Variants in DDX55 observed in about 807,000 individuals in gnomAD.
DDX55 encodes the protein ATP-dependent RNA helicase DDX55.
Under a neutral mutation model 69.2 loss-of-function variants are expected in DDX55, and 56 were observed. The ratio of observed to expected loss-of-function variants is 0.81; its 90% confidence interval spans 0.65 to 1.01. The LOEUF is 1.01. Among genes scored for constraint, DDX55 ranks in the 50% least tolerant of loss-of-function variants. The probability of loss-of-function intolerance (pLI) is 0.00; values close to 1 mark genes in which losing one functional copy is unlikely to be tolerated. For missense variants in DDX55, 720 were observed against 745.1 expected (o/e 0.97, Z 0.39); for synonymous variants, 268 against 273.1 (o/e 0.98, Z 0.18).
rs1491406627 is a variant in DDX55, at chr12:123,620,580, T to TTTTA, written c.*441_*442insTTAT. On this transcript the variant is annotated 3_prime_UTR_variant, in exon 14 of 14. Transcript: ENST00000238146. ...GGTCACATATAGACATATGTACATA[T>TTTTA]TATATATATATATATATATATATAT... is the stretch of plus-strand genomic sequence containing the variant. The TTTTA allele has an allele frequency of 1.4e-4, 9 of 65,354 alleles. No homozygotes were observed. The highest frequency in any genetic ancestry group is 2.8e-3 in the East Asian group (2 of 724). The allele number at this position is 65,354 out of a possible 1,614,324, so 4.0% of individuals were successfully genotyped here. A position where few individuals can be genotyped will look rare whatever the true frequency, so the allele number is the denominator to read the frequency against.
chr12:123,617,527 A>G (rs986919922), intron 10 of DDX55, among the ~76,000 whole-genome samples: 1 of 152,242 alleles, frequency 6.6e-6, no homozygotes, highest in African/African-American at 2.4e-5. Flanking sequence ...GAAAGATACA[A>G]GTTTTACTTA....
intron 9 of DDX55, among the ~76,000 whole-genome samples, chr12:123,615,988 A>C (rs1188811058): frequency 6.6e-6 from 1 of 150,638 alleles, no homozygotes; most frequent in Non-Finnish European, 1.5e-5. Flanking sequence ...TCTCAAAAAC[A>C]AACAAACAAA....
intron 8 of DDX55, 93 bp from the exon 9 acceptor site, chr12:123,615,092 G>T (rs1954551789): frequency 1.9e-6 from 3 of 1,553,032 alleles, no homozygotes; most frequent in Non-Finnish European, 2.6e-6. Context: ...TAGTTAGGTT[G>T]CGTCTGCTGC....
chr12:123,615,374 C>T, intron 9 of DDX55, 58 bp downstream of exon 9: 1 of 1,597,412 alleles, frequency 6.3e-7, no homozygotes, highest in South Asian at 1.1e-5. Context: ...TTCAGGTCCC[C>T]AAATGCCCCA....
rs535681879 is a variant in DDX55, at chr12:123,615,983, AAAAC to A, written c.957-516_957-513del. 4.9e-3 allele frequency among the ~76,000 whole-genome samples: 746 copies of A among 152,314 alleles called. 2 individuals carry two copies. The highest frequency in any genetic ancestry group is 0.01 in the Admixed American group (154 of 15,296). ...GGTGACAGAGTGAGACTCCATCTCA[AAAAC>A]AAACAAACAAAGAAACAAAAAAACA... On this transcript the variant is annotated intron_variant, in intron 9 of 13. Transcript: ENST00000238146.
rs1466350050 is a variant in DDX55, at chr12:123,615,167, C to T, written c.825-18C>T. 3.1e-6 allele frequency: 5 copies of T among 1,613,646 alleles called. No individual in the cohort carries two copies. Among genetic ancestry groups the T allele is most frequent in the Non-Finnish European group, 4.2e-6 (5 of 1,179,718 alleles). On this transcript the variant is annotated intron_variant, in intron 8 of 13. Coordinates refer to ENST00000238146, the MANE Select transcript of DDX55 (RefSeq NM_020936.3). Reference sequence around the variant, plus strand: ...ACCAAAGTGGCCAATGACTCTAAGCCCTCTGTCCCTCTTGCAGCACCTGTG... The same window carrying T: ...ACCAAAGTGGCCAATGACTCTAAGCTCTCTGTCCCTCTTGCAGCACCTGTG...
rs1302211997 is a variant in DDX55, at chr12:123,619,996, A to T, written c.1659A>T (p.Glu553Asp). 3 of 1,613,908 alleles carry T rather than the reference A, an allele frequency of 1.9e-6. No homozygotes were observed. Among genetic ancestry groups the T allele is most frequent in the Non-Finnish European group, 2.5e-6 (3 of 1,179,986 alleles). The change falls in exon 14 of 14, where the codon GAA becomes GAT. Residue 553 changes from glutamate to aspartate, a missense_variant. By Grantham distance (45) the Glu-to-Asp change is conservative (BLOSUM62 2). Coordinates refer to ENST00000238146, the MANE Select transcript of DDX55 (RefSeq NM_020936.3). ...ATATTGAAGATGAGGACATGGAAGA[A>T]CTTCTTAATGACACAAGACTCTTGA... ...GSDIEDEDME[E>D]LLNDTRLLKK... is the part of the protein sequence containing the mutation.
intron 1 of DDX55, 99 bp downstream of exon 1, chr12:123,602,355 G>C: frequency 8.7e-7 from 1 of 1,145,942 alleles, no homozygotes. Context: ...GAGCCCTGGG[G>C]CGCTCATCCC....
At chr12:123,609,897 G>A in intron 6 of DDX55, 42 bp from the exon 7 acceptor site, 1 of 1,583,548 alleles carries the variant, frequency 6.3e-7, no homozygotes, top group Non-Finnish European at 8.6e-7. Context: ...TGTTGATTCT[G>A]CTGGCAAGTG....
At position 123,620,393 on chromosome 12, in the gene DDX55, A is replaced by T. The variant is rs1308691966; in HGVS notation, c.*253A>T. 5 of 271,802 alleles carry T rather than the reference A, an allele frequency of 1.8e-5. No individual in the cohort carries two copies. The South Asian group carries it at 2.8e-4, about 15-fold the overall frequency. The allele number at this position is 271,802 out of a possible 1,614,324, so 16.8% of individuals were successfully genotyped here. On this transcript the variant is annotated 3_prime_UTR_variant, in exon 14 of 14. Transcript: ENST00000238146. ...CAGCACTTTGGGAGGCTGAGGCAGG[A>T]GGATCACTTGAGCCCAGGAGTTCAA... is the stretch of plus-strand genomic sequence containing the variant.
At chr12:123,609,733 A>G (rs1195521212) in intron 6 of DDX55, among the ~76,000 whole-genome samples, 2 of 152,174 alleles carry the variant, frequency 1.3e-5, no homozygotes, top group Non-Finnish European at 2.9e-5. Context: ...TTATAATTGT[A>G]TGCTAAAATT....
chr12:123,608,771 C>T lies in DDX55; in HGVS notation c.493C>T (p.Leu165=). The T allele has an allele frequency of 6.2e-7, 1 of 1,614,164 alleles. No homozygotes were observed. The highest frequency in any genetic ancestry group is 1.1e-5 in the South Asian group (1 of 91,082). Residue 165 remains leucine (L), a synonymous_variant, in exon 6 of 14, where the codon CTG becomes TTG. Coordinates refer to ENST00000238146, the MANE Select transcript of DDX55 (RefSeq NM_020936.3). ...GGATCTGGCCAGCTGTGTGCGATCC[C>T]TGGATGTCCTGGTGTTGGATGAGGC... ...GLDLASCVRS[L]DVLVLDEADR...
At position 123,618,653 on chromosome 12, in the gene DDX55, ATGTG is replaced by A. The variant is rs749864263; in HGVS notation, c.1165-6_1165-3del. 2.1e-5 allele frequency: 33 copies of A among 1,601,414 alleles called. No homozygotes were observed. In the African/African-American group the frequency reaches 4.3e-4, roughly 21 times the overall value. ...CAGCCAGGGAAGGTGAGAATGTGGT[ATGTG>A]TGTGTGTGTAGTGCCCCCTGCAGGA... On this transcript the variant is annotated splice_polypyrimidine_tract_variant and intron_variant, in intron 11 of 13. Coordinates refer to ENST00000238146, the MANE Select transcript of DDX55 (RefSeq NM_020936.3).
intron 12 of DDX55, 99 bp downstream of exon 12, chr12:123,618,936 G>C: frequency 1.3e-6 from 2 of 1,517,654 alleles, no homozygotes; most frequent in Non-Finnish European, 1.8e-6. Flanking sequence ...AGTGTTCCCA[G>C]GTTTTGAGTA....
Position 123,602,256 on chromosome 12 carries a change from G to T in DDX55, c.108G>T (p.Gln36His), listed in dbSNP as rs755750847. Reference protein sequence around the residue: ...ELGFPYMTPVQSATIPLFMRN... With the variant: ...ELGFPYMTPVHSATIPLFMRN... ...GCTTCCCGTACATGACGCCGGTGCA[G>T]GTATCGGTTCCCTGGCGTGGGGGAG... The change falls in exon 1 of 14, where the codon CAG (glutamine) becomes CAT (histidine). Residue 36 changes from glutamine (Q) to histidine (H), a missense_variant and splice_region_variant. Physicochemically the swap from Gln to His is conservative, Grantham distance 24. Transcript: ENST00000238146. 6.4e-6 allele frequency: 10 copies of T among 1,558,002 alleles called. No homozygotes were observed. The highest frequency in any genetic ancestry group is 8.7e-6 in the Non-Finnish European group (10 of 1,154,668).
At chr12:123,615,015 G>C (rs1185095412) in intron 8 of DDX55, among the ~76,000 whole-genome samples, 170 bp from the exon 9 acceptor site, 1 of 152,120 alleles carries the variant, frequency 6.6e-6, no homozygotes, top group Non-Finnish European at 1.5e-5. Context: ...GAGGATTACA[G>C]ATTGAGAACT....
chr12:123,605,692 G>A (rs975558113), intron 1 of DDX55: 2 of 623,994 alleles, frequency 3.2e-6, no homozygotes, highest in Non-Finnish European at 5.9e-6. Flanking sequence ...AAGTAGGAGC[G>A]ACAGGGCTAG....
At chr12:123,604,568 T>C (rs1241035726) in intron 1 of DDX55, among the ~76,000 whole-genome samples, 1 of 152,068 alleles carries the variant, frequency 6.6e-6, no homozygotes, top group Non-Finnish European at 1.5e-5. Flanking sequence ...AGACCTGTCA[T>C]CCACTACACA....
intron 9 of DDX55, 85 bp downstream of exon 9, chr12:123,615,401 G>A: frequency 6.5e-7 from 1 of 1,547,890 alleles, no homozygotes; most frequent in Non-Finnish European, 8.8e-7. Context: ...AGTAGCCTGT[G>A]CTGTCCGCAT....
Sources: gnomAD v4.1 joint callset for allele counts (sites outside exome capture counted in the v4.1 genomes callset) on GRCh38, gnomAD v4.1.1 for gene constraint, MANE v1.5 for transcripts, NCBI Gene and HGNC (gene_info 2026-07-23, HGNC 2026-07-21) for gene names.